The following APBB1IP variants were observed in gnomAD, a reference collection of about 807,000 sequenced individuals.
APBB1IP encodes the protein amyloid beta precursor protein binding family B member 1 interacting protein.
Under a neutral mutation model 64.9 loss-of-function variants are expected in APBB1IP, and 27 were observed. The observed-to-expected ratio is 0.42, with a 90% CI of 0.31 to 0.57. The LOEUF (loss-of-function observed/expected upper bound fraction) is 0.57, where lower values mean the gene tolerates loss of function less well. APBB1IP is among the 20% of genes least tolerant of loss of function. APBB1IP has a pLI of 0.20. For synonymous variants in APBB1IP, 392 were observed against 331.0 expected (o/e 1.18, Z -2.00); for missense variants, 812 against 845.5 (o/e 0.96, Z 0.49).
At chr10:26,537,200 A>G (rs1270028190) in intron 10 of APBB1IP, among the ~76,000 whole-genome samples, 5 of 152,180 alleles carry the variant, frequency 3.3e-5, no homozygotes, top group African/African-American at 1.2e-4. Context: ...TCTAATCTGT[A>G]TCTTGGGTAC....
At chr10:26,508,292 G>A (rs550044739) in intron 6 of APBB1IP, among the ~76,000 whole-genome samples, 15 of 151,916 alleles carry the variant, frequency 9.9e-5, no homozygotes, top group African/African-American at 3.6e-4. Flanking sequence ...CAAAGATTTT[G>A]GAACTAGAAA....
At chr10:26,561,225 T>C (rs536590985) in intron 13 of APBB1IP, among the ~76,000 whole-genome samples, 60 of 151,230 alleles carry the variant, frequency 4.0e-4, no homozygotes, top group South Asian at 2.1e-3. Context: ...CCCGCCACCA[T>C]GCCTGGCTAA....
chr10:26,505,019 G>T (rs1024058544), intron 6 of APBB1IP, among the ~76,000 whole-genome samples: 1 of 152,166 alleles, frequency 6.6e-6, no homozygotes, highest in Non-Finnish European at 1.5e-5. Flanking sequence ...GCCTCACAAA[G>T]TGGTGGGATT....
rs745309388 is a variant in APBB1IP at position 26,496,292 on chromosome 10, C to CT, written c.73-6dup. On this transcript the variant is annotated splice_polypyrimidine_tract_variant and intron_variant, in intron 3 of 14. Coordinates refer to ENST00000376236, the MANE Select transcript of APBB1IP (RefSeq NM_019043.4). ...TCATGAATAACTTTGATGGGGGGAT[C>CT]TTTTTTCACAGAGTTTAGGAGTTGA... 2.5e-6 allele frequency: 4 copies of CT among 1,598,618 alleles called. No homozygotes were observed. The African/African-American group carries it at 5.4e-5, about 21-fold the overall frequency.
intron 3 of APBB1IP, among the ~76,000 whole-genome samples, chr10:26,494,065 A>G (rs115615041): frequency 0.01 from 1,566 of 152,232 alleles, 25 homozygotes; most frequent in African/African-American, 0.036. Context: ...TATCATCTTT[A>G]GTAAAGACTT....
At chr10:26,541,497 T>A in intron 10 of APBB1IP, 85 bp from the exon 11 acceptor site, 1 of 815,272 alleles carries the variant, frequency 1.2e-6, no homozygotes, top group South Asian at 1.6e-5. Context: ...TAAAATATAA[T>A]CCTTAGTTGT....
At chr10:26,500,230 A>C (rs894793126) in intron 4 of APBB1IP, among the ~76,000 whole-genome samples, 2 of 151,798 alleles carry the variant, frequency 1.3e-5, no homozygotes, top group Non-Finnish European at 2.9e-5. Context: ...AAAAAAAGAA[A>C]GAAAGAAAAA....
intron 5 of APBB1IP, 47 bp downstream of exon 5, chr10:26,501,158 C>A (rs1336015191): frequency 6.2e-7 from 1 of 1,610,068 alleles, no homozygotes; most frequent in Admixed American, 1.7e-5. Flanking sequence ...CCTCTGCTAC[C>A]TATCACTGAT....
At chr10:26,475,701 C>T (rs943468724) in intron 2 of APBB1IP, among the ~76,000 whole-genome samples, 5 of 152,168 alleles carry the variant, frequency 3.3e-5, no homozygotes, top group Admixed American at 1.3e-4. Context: ...TATCTACCCC[C>T]ACATGGTTTC....
rs768897213 is a variant in APBB1IP at position 26,566,947 on chromosome 10, C to A, written c.1474-14C>A. Reference sequence around the variant, plus strand: ...ATTAAAAAAAAAATGAATGCTACTGCCACTCGGTTGCAGGATAAGAAGCCA... The same window carrying A: ...ATTAAAAAAAAAATGAATGCTACTGACACTCGGTTGCAGGATAAGAAGCCA... On this transcript the variant is annotated splice_polypyrimidine_tract_variant and intron_variant, in intron 14 of 14. Coordinates refer to ENST00000376236, the MANE Select transcript of APBB1IP (RefSeq NM_019043.4). The A allele has an allele frequency of 2.6e-6, 4 of 1,562,010 alleles. No homozygotes were observed. The highest frequency in any genetic ancestry group is 3.4e-6 in the Non-Finnish European group (4 of 1,166,212).
intron 9 of APBB1IP, among the ~76,000 whole-genome samples, chr10:26,534,121 T>G (rs1836589256): frequency 6.6e-6 from 1 of 152,022 alleles, no homozygotes; most frequent in African/African-American, 2.4e-5. Context: ...GACAATTGAT[T>G]TTTTGGAAAC....
At chr10:26,475,419 C>G (rs1221811155) in intron 2 of APBB1IP, among the ~76,000 whole-genome samples, 1 of 152,166 alleles carries the variant, frequency 6.6e-6, no homozygotes, top group African/African-American at 2.4e-5. Context: ...CCGTGCCTGG[C>G]CTTCCCTTGC....
intron 6 of APBB1IP, among the ~76,000 whole-genome samples, chr10:26,504,331 T>C (rs1228874665): frequency 6.6e-6 from 1 of 152,240 alleles, no homozygotes; most frequent in East Asian, 1.9e-4. Flanking sequence ...TATAGGTTTT[T>C]GAAGAACACA....
Position 26,513,607 on chromosome 10 carries a change from A to C in APBB1IP, c.760A>C (p.Lys254Gln). 2 of 1,613,296 alleles carry C rather than the reference A, an allele frequency of 1.2e-6. No individual in the cohort carries two copies. ...AGACTGGACAAGAGACACAGAAAAT[A>C]AAATACTATTTTTGGAGAAAGAGGA... ...LSDWTRDTENKILFLEKEEKY... is the reference protein window; with the variant it reads ...LSDWTRDTENQILFLEKEEKY... The change falls in exon 8 of 15, where the codon AAA becomes CAA. Residue 254 changes from lysine to glutamine, a missense_variant. Lys to Gln is a moderately conservative substitution (Grantham distance 53). Transcript: ENST00000376236.
chr10:26,505,147 T>C (rs1588591791), intron 6 of APBB1IP, among the ~76,000 whole-genome samples: 1 of 152,216 alleles, frequency 6.6e-6, no homozygotes, highest in South Asian at 2.1e-4. Flanking sequence ...CCTTTTCACA[T>C]AGGGCTTTAC....
At chr10:26,549,088 G>T (rs890798319) in intron 11 of APBB1IP, among the ~76,000 whole-genome samples, 1 of 152,026 alleles carries the variant, frequency 6.6e-6, no homozygotes, top group African/African-American at 2.4e-5. Flanking sequence ...ATAAGCATTT[G>T]GTTTTTAATC....
intron 2 of APBB1IP, among the ~76,000 whole-genome samples, chr10:26,474,033 G>A (rs1001763960): frequency 6.9e-6 from 1 of 145,730 alleles, no homozygotes; most frequent in East Asian, 2.0e-4. Flanking sequence ...GTATGTTCTT[G>A]AATAGAAGAA....
chr10:26,457,010 GT>G (rs1275561261), intron 2 of APBB1IP, among the ~76,000 whole-genome samples: 1 of 152,166 alleles, frequency 6.6e-6, no homozygotes, highest in African/African-American at 2.4e-5. Context: ...GATTGGCTTA[GT>G]GAAGGTTATT....
intron 6 of APBB1IP, among the ~76,000 whole-genome samples, chr10:26,506,701 C>CCCCT (rs1836184000): frequency 2.0e-5 from 3 of 152,172 alleles, no homozygotes; most frequent in Non-Finnish European, 4.4e-5. Flanking sequence ...GGATCTCCCC[C>CCCCT]AGGGATCTTT....
Sources: gnomAD v4.1 joint callset for allele counts (sites outside exome capture counted in the v4.1 genomes callset) on GRCh38, gnomAD v4.1.1 for gene constraint, MANE v1.5 for transcripts, NCBI Gene and HGNC (gene_info 2026-07-23, HGNC 2026-07-21) for gene names.